The following ZYX variants were observed in gnomAD, a reference collection of about 807,000 sequenced individuals.
ZYX encodes zyxin.
ZYX carries 37 observed loss-of-function variants against 58.1 expected under a neutral mutation model. The ratio of observed to expected loss-of-function variants is 0.64; its 90% CI spans 0.49 to 0.84. ZYX has a LOEUF of 0.84. ZYX is among the 40% of genes least tolerant of loss of function. The probability of loss-of-function intolerance (pLI) is 0.00; values close to 1 mark genes in which losing one functional copy is unlikely to be tolerated. For missense variants in ZYX, 762 were observed against 761.6 expected (o/e 1.00, Z -0.01); for synonymous variants, 324 against 321.1 (o/e 1.01, Z -0.10).
chr7:143,384,814 G>A lies in ZYX; in HGVS notation c.1023+1492G>A, dbSNP rs867890272. ...ATGGCAGGATTGCTGACAAAATAGA[G>A]AAGTCCAGAAGGGGAAATGGTTTGG... On this transcript the variant is annotated intron_variant, in intron 5 of 9. Transcript: ENST00000322764. The surrounding 1 kb of genome is among the most constrained non-coding windows in gnomAD (Gnocchi z 4.9). Among the ~76,000 whole-genome samples, 6 of 152,146 alleles carry A rather than the reference G, an allele frequency of 3.9e-5. No individual in the cohort carries two copies. The highest frequency in any genetic ancestry group is 8.8e-5 in the Non-Finnish European group (6 of 68,032).
In ZYX at chr7:143,389,792, T is replaced by C; in HGVS notation, c.1494-65T>C. On this transcript the variant is annotated intron_variant, in intron 8 of 9. Coordinates refer to ENST00000322764, the MANE Select transcript of ZYX (RefSeq NM_003461.5). The surrounding 1 kb of genome is among the most constrained non-coding windows in gnomAD (Gnocchi z 5.6). ...TGCTTCCTTGCTGCCCAACCTGGCT[T>C]ATGCGTGCGCACACCGGGGATGAAA... 1.9e-6 allele frequency: 3 copies of C among 1,595,398 alleles called. No homozygotes were observed. Among genetic ancestry groups the C allele is most frequent in the Non-Finnish European group, 2.6e-6 (3 of 1,172,728 alleles).
chr7:143,390,106 G>C lies in ZYX; in HGVS notation c.1614+129G>C. On this transcript the variant is annotated intron_variant, in intron 9 of 9. Transcript: ENST00000322764. The surrounding 1 kb of genome is among the most constrained non-coding windows in gnomAD (Gnocchi z 4.3). ...GGCTGTGATTTTGAGGGTGGCTCATGGTGGCACCCCATCTGTCCTGCCAGA... is the reference window on the plus strand; with the variant it reads ...GGCTGTGATTTTGAGGGTGGCTCATCGTGGCACCCCATCTGTCCTGCCAGA... 7.5e-7 allele frequency: 1 copy of C among 1,336,896 alleles called. No homozygotes were observed. Among genetic ancestry groups the C allele is most frequent in the South Asian group, 1.3e-5 (1 of 75,300 alleles). The allele number at this position is 1,336,896 out of a possible 1,614,324, so 82.8% of individuals were successfully genotyped here. A position where few individuals can be genotyped will look rare whatever the true frequency, so the allele number is the denominator to read the frequency against.
rs762897593 is a variant in ZYX at position 143,381,579 on chromosome 7, C to A, written c.8C>A (p.Ala3Asp). Reference sequence around the variant, plus strand: ...CAGCAGCCCGGCCCGGCCATGGCGGCCCCCCGCCCGTCTCCCGCGATCTCC... The same window carrying A: ...CAGCAGCCCGGCCCGGCCATGGCGGACCCCCGCCCGTCTCCCGCGATCTCC... MA[A>D]PRPSPAISVS... The change falls in exon 2 of 10, where the codon GCC (alanine) becomes GAC (aspartate). Residue 3 changes from alanine to aspartate, a missense_variant. Ala to Asp is a moderately radical substitution (Grantham distance 126, BLOSUM62 -2). Coordinates refer to ENST00000322764, the MANE Select transcript of ZYX (RefSeq NM_003461.5). The A allele has an allele frequency of 1.2e-6, 2 of 1,609,476 alleles. No homozygotes were observed. Among genetic ancestry groups the A allele is most frequent in the African/African-American group, 1.3e-5 (1 of 74,962 alleles).
At position 143,388,076 on chromosome 7, in the gene ZYX, G is replaced by A. The variant is rs1255860205; in HGVS notation, c.1024-143G>A. 4.0e-6 allele frequency: 4 copies of A among 1,000,244 alleles called. No individual in the cohort carries two copies. Among genetic ancestry groups the A allele is most frequent in the African/African-American group, 3.3e-5 (2 of 61,038 alleles). The allele number at this position is 1,000,244 out of a possible 1,614,324, so 62.0% of individuals were successfully genotyped here. On this transcript the variant is annotated intron_variant, in intron 5 of 9. Coordinates refer to ENST00000322764, the MANE Select transcript of ZYX (RefSeq NM_003461.5). The surrounding 1 kb of genome is among the most constrained non-coding windows in gnomAD (Gnocchi z 7.5). Reference sequence around the variant, plus strand: ...GGGATGGCGGGGGTAGGGGGACGAGGGAGAAGCTTTAAGGGTCAAGCCTGA... The same window carrying A: ...GGGATGGCGGGGGTAGGGGGACGAGAGAGAAGCTTTAAGGGTCAAGCCTGA...
rs1804975887 is a variant in ZYX, at chr7:143,389,067, G to A, written c.1493+122G>A. On this transcript the variant is annotated intron_variant, in intron 8 of 9. Transcript: ENST00000322764. The surrounding 1 kb of genome is among the most constrained non-coding windows in gnomAD (Gnocchi z 5.6). Reference sequence around the variant, plus strand: ...GTGGTGTTTTCTGGTCCCATGTCCTGTCTGTAAACAGCAGGGACCAAGTCA... The same window carrying A: ...GTGGTGTTTTCTGGTCCCATGTCCTATCTGTAAACAGCAGGGACCAAGTCA... 1.7e-6 allele frequency: 2 copies of A among 1,179,088 alleles called. No homozygotes were observed. The highest frequency in any genetic ancestry group is 1.5e-5 in the South Asian group (1 of 67,028). 73.0% of individuals were successfully genotyped at this position (1,179,088 alleles called of 1,614,324 possible).
intron 5 of ZYX, among the ~76,000 whole-genome samples, chr7:143,386,481 C>T (rs571038307): frequency 5.9e-5 from 9 of 152,010 alleles, no homozygotes; most frequent in East Asian, 1.9e-4. Flanking sequence ...CTGGAGGTCG[C>T]GCGGGTGCTG....
At chr7:143,385,896 C>T (rs1168954126) in intron 5 of ZYX, among the ~76,000 whole-genome samples, 1 of 151,528 alleles carries the variant, frequency 6.6e-6, no homozygotes, top group African/African-American at 2.4e-5. Context: ...CTGCCTGCCT[C>T]AGCCTCCCAA....
rs755276481 is a variant in ZYX at position 143,384,169 on chromosome 7, G to C, written c.1023+847G>C. On this transcript the variant is annotated intron_variant, in intron 5 of 9. Transcript: ENST00000322764. This position sits in a 1 kb window ranked among gnomAD's most constrained non-coding sequence, Gnocchi z 4.9. ...CTAGTCCAAGCATCCAGAGTCCACT[G>C]ATAGTGTTGATGTCTACCTACACTC... The C allele has an allele frequency of 6.4e-6, 3 of 471,526 alleles. No homozygotes were observed. The highest frequency in any genetic ancestry group is 1.3e-5 in the Non-Finnish European group (3 of 227,106). 29.2% of individuals were successfully genotyped at this position (471,526 alleles called of 1,614,324 possible).
In ZYX at chr7:143,384,004, T is replaced by G. The variant is rs1458684475; in HGVS notation, c.1023+682T>G. 5.8e-6 allele frequency: 2 copies of G among 344,820 alleles called. No homozygotes were observed. The highest frequency in any genetic ancestry group is 1.2e-5 in the Non-Finnish European group (2 of 172,280). 21.4% of individuals were successfully genotyped at this position (344,820 alleles called of 1,614,324 possible). A position where few individuals can be genotyped will look rare whatever the true frequency, so the allele number is the denominator to read the frequency against. The stretch of plus-strand genomic sequence containing the variant: ...TGGTTGTGAAGATTGGGTGAGCTAA[T>G]ACCTAGAGAGTGTTGGGTTCTGTAT... On this transcript the variant is annotated intron_variant, in intron 5 of 9. Transcript: ENST00000322764. This position sits in a 1 kb window ranked among gnomAD's most constrained non-coding sequence, Gnocchi z 4.9.
At chr7:143,385,069 A>C (rs2116575213) in intron 5 of ZYX, among the ~76,000 whole-genome samples, 1 of 152,220 alleles carries the variant, frequency 6.6e-6, no homozygotes. Flanking sequence ...TGCGGGAAGA[A>C]GAGTCAGGAG....
rs368654810 is a variant in ZYX at position 143,382,232 on chromosome 7, C to T, written c.209-16C>T. The T allele has an allele frequency of 7.5e-6, 12 of 1,610,000 alleles. No individual in the cohort carries two copies. Among genetic ancestry groups the T allele is most frequent in the Admixed American group, 1.7e-5 (1 of 59,542 alleles). On this transcript the variant is annotated splice_polypyrimidine_tract_variant and intron_variant, in intron 2 of 9. Coordinates refer to ENST00000322764, the MANE Select transcript of ZYX (RefSeq NM_003461.5). Reference sequence around the variant, plus strand: ...TAGAGGGACCCCGGCCGACGTCTTTCTCCTTCCTACCCCAGACTTTCCCCT... The same window carrying T: ...TAGAGGGACCCCGGCCGACGTCTTTTTCCTTCCTACCCCAGACTTTCCCCT...
In ZYX at chr7:143,381,759, T is replaced by C; in HGVS notation, c.188T>C (p.Ile63Thr). ...GCACAGATGGGCCGGGTGGGCGAGA[T>C]TCCCCCGCCGCCCCCGGAAGGTATG... Reference protein sequence around the residue: ...QRAQMGRVGEIPPPPPEDFPL... With the variant: ...QRAQMGRVGETPPPPPEDFPL... The change falls in exon 2 of 10, where the codon ATT (isoleucine) becomes ACT (threonine). Residue 63 changes from isoleucine to threonine, a missense_variant. Physicochemically the swap from Ile to Thr is moderately conservative, Grantham distance 89 (BLOSUM62 -1). Transcript: ENST00000322764. The C allele has an allele frequency of 6.3e-7, 1 of 1,581,220 alleles. No homozygotes were observed. The highest frequency in any genetic ancestry group is 8.6e-7 in the Non-Finnish European group (1 of 1,163,920).
At chr7:143,383,385 C>G in intron 5 of ZYX, 63 bp downstream of exon 5, 1 of 1,519,930 alleles carries the variant, frequency 6.6e-7, no homozygotes, top group Non-Finnish European at 8.8e-7. Flanking sequence ...GGGTCAGGAG[C>G]CAGAGCATAA....
In ZYX at chr7:143,390,493, C is replaced by A; in HGVS notation, c.1615-85C>A. 2.9e-6 allele frequency: 3 copies of A among 1,022,998 alleles called. No homozygotes were observed. Among genetic ancestry groups the A allele is most frequent in the Non-Finnish European group, 4.4e-6 (3 of 684,332 alleles). The allele number at this position is 1,022,998 out of a possible 1,614,324, so 63.4% of individuals were successfully genotyped here. A position where few individuals can be genotyped will look rare whatever the true frequency, so the allele number is the denominator to read the frequency against. On this transcript the variant is annotated intron_variant, in intron 9 of 9. Transcript: ENST00000322764. This position sits in a 1 kb window ranked among gnomAD's most constrained non-coding sequence, Gnocchi z 4.3. ...GAGCCATGAAGCATCTTTCTAATTCCAAGATGGAGCTGGATGGGGTGGGGT... is the reference window on the plus strand; with the variant it reads ...GAGCCATGAAGCATCTTTCTAATTCAAAGATGGAGCTGGATGGGGTGGGGT...
chr7:143,388,911 G>C lies in ZYX; in HGVS notation c.1459G>C (p.Ala487Pro). The C allele has an allele frequency of 6.2e-7, 1 of 1,612,648 alleles. No homozygotes were observed. The highest frequency in any genetic ancestry group is 8.5e-7 in the Non-Finnish European group (1 of 1,179,816). ...LEGTSFIVDQ[A>P]NRPHCVPDYH... ...GGGCACCTCCTTCATCGTGGACCAG[G>C]CCAACCGGCCCCACTGTGTCCCCGA... The change falls in exon 8 of 10, where the codon GCC becomes CCC. Residue 487 changes from alanine (A) to proline (P), a missense_variant. Coordinates refer to ENST00000322764, the MANE Select transcript of ZYX (RefSeq NM_003461.5). The surrounding 1 kb of genome is among the most constrained non-coding windows in gnomAD (Gnocchi z 7.5).
rs61740599 is a variant in ZYX at position 143,383,157 on chromosome 7, T to G, written c.858T>G (p.Gly286=). The G allele has an allele frequency of 7.4e-4, 1,196 of 1,614,202 alleles. 9 individuals are homozygous for G. The African/African-American group carries it at 0.014, about 19-fold the overall frequency. Residue 286 remains glycine, a synonymous_variant, in exon 5 of 10, where the codon GGT becomes GGG. Coordinates refer to ENST00000322764, the MANE Select transcript of ZYX (RefSeq NM_003461.5). ...VASKFSPGAP[G]GSGSQPNQKL... Reference sequence around the variant, plus strand: ...CCAAGTTCAGTCCTGGAGCCCCAGGTGGATCTGGGTCACAACCAAATCAAA... The same window carrying G: ...CCAAGTTCAGTCCTGGAGCCCCAGGGGGATCTGGGTCACAACCAAATCAAA...
intron 2 of ZYX, 74 bp downstream of exon 2, chr7:143,381,853 A>T (rs1586560210): frequency 2.2e-6 from 3 of 1,382,530 alleles, no homozygotes; most frequent in Admixed American, 5.5e-5. Context: ...GAATTTGGGG[A>T]TGTCTGGAAA....
In ZYX at chr7:143,382,576, G is replaced by C. The variant is rs778205672; in HGVS notation, c.409-17G>C. ...GATAGAGGCATGGAATAGGTGCTCTGACCTCTGACCCTCTAGCCCAGGGAG... is the reference window on the plus strand; with the variant it reads ...GATAGAGGCATGGAATAGGTGCTCTCACCTCTGACCCTCTAGCCCAGGGAG... On this transcript the variant is annotated splice_polypyrimidine_tract_variant and intron_variant, in intron 3 of 9. Coordinates refer to ENST00000322764, the MANE Select transcript of ZYX (RefSeq NM_003461.5). 3 of 1,613,432 alleles carry C rather than the reference G, an allele frequency of 1.9e-6. No homozygotes were observed. The highest frequency in any genetic ancestry group is 2.5e-6 in the Non-Finnish European group (3 of 1,179,584).
rs976826339 is a variant in ZYX, at chr7:143,381,401, C to T, written c.-24C>T. Reference sequence around the variant, plus strand: ...CACCCGAGACGCGGCGCGCACGCTCCGGCCTGCGGTGAGGCGCGGGGAGCG... The same window carrying T: ...CACCCGAGACGCGGCGCGCACGCTCTGGCCTGCGGTGAGGCGCGGGGAGCG... On this transcript the variant is annotated 5_prime_UTR_variant, in exon 1 of 10. Coordinates refer to ENST00000322764, the MANE Select transcript of ZYX (RefSeq NM_003461.5). 22 of 1,198,042 alleles carry T rather than the reference C, an allele frequency of 1.8e-5. No homozygotes were observed. The highest frequency in any genetic ancestry group is 2.3e-5 in the Non-Finnish European group (22 of 964,932). 74.2% of individuals were successfully genotyped at this position (1,198,042 alleles called of 1,614,324 possible).
Sources: gnomAD v4.1 joint callset for allele counts (sites outside exome capture counted in the v4.1 genomes callset) on GRCh38, gnomAD v4.1.1 for gene constraint, Gnocchi (gnomAD v3.1) non-coding constraint, MANE v1.5 for transcripts, NCBI Gene and HGNC (gene_info 2026-07-23, HGNC 2026-07-21) for gene names.